The following NTM variants were observed in gnomAD, a reference collection of about 807,000 sequenced individuals.
NTM encodes the protein neurotrimin.
NTM carries 13 observed loss-of-function variants against 42.1 expected under a neutral mutation model. That is an observed-to-expected ratio of 0.31 (90% CI 0.20 to 0.49). The LOEUF (loss-of-function observed/expected upper bound fraction) is 0.49, where lower values mean the gene tolerates loss of function less well. NTM is among the 20% of genes least tolerant of loss of function. The pLI is 0.99. For synonymous variants in NTM, 187 were observed against 179.2 expected (o/e 1.04, Z -0.35); for missense variants, 373 against 452.8 (o/e 0.82, Z 1.60).
At chr11:131,596,950 A>C (rs2059864065) in intron 1 of NTM, among the ~76,000 whole-genome samples, 1 of 152,218 alleles carries the variant, frequency 6.6e-6, no homozygotes. Flanking sequence ...GTTCCAGGGC[A>C]GGAAGCATCC....
intron 3 of NTM, among the ~76,000 whole-genome samples, chr11:132,148,094 T>C (rs2070969242): frequency 6.6e-6 from 1 of 152,222 alleles, no homozygotes; most frequent in African/African-American, 2.4e-5. Context: ...GTTTTTATTA[T>C]ATTTTGCTTA....
At position 131,502,804 on chromosome 11, in the gene NTM, G is replaced by A. The variant is rs536222747; in HGVS notation, c.82+131916G>A. 6 of 152,404 alleles carry A rather than the reference G, an allele frequency of 3.9e-5. No homozygotes were observed. The East Asian group carries it at 1.2e-3, about 29-fold the overall frequency. The allele number at this position is 152,404 out of a possible 1,614,324, so 9.4% of individuals were successfully genotyped here. ...CCCAGGACCAGCCCGGCACATCAGA[G>A]CTGTGTAACACAGCATCTGATCGAA... On this transcript the variant is annotated intron_variant, in intron 1 of 8. Transcript: ENST00000683400.
At chr11:132,304,750 T>A (rs903588243) in intron 4 of NTM, among the ~76,000 whole-genome samples, 9 of 152,218 alleles carry the variant, frequency 5.9e-5, no homozygotes, top group Non-Finnish European at 1.2e-4. Flanking sequence ...CATATTACTA[T>A]GTACAAGTCA....
chr11:132,047,730 G>T (rs2078218579), intron 2 of NTM, among the ~76,000 whole-genome samples: 1 of 152,152 alleles, frequency 6.6e-6, no homozygotes, highest in South Asian at 2.1e-4. Flanking sequence ...TTCCTCTTAG[G>T]CCCCACTGTT....
At chr11:131,761,904 C>T (rs75750327) in intron 1 of NTM, among the ~76,000 whole-genome samples, 12,937 of 149,850 alleles carry the variant, frequency 0.086, 660 homozygotes, top group East Asian at 0.21. Flanking sequence ...TCTCTGTCTC[C>T]TCTCTCTGTC....
At chr11:131,827,024 G>C (rs1007298648) in intron 1 of NTM, among the ~76,000 whole-genome samples, 1 of 152,078 alleles carries the variant, frequency 6.6e-6, no homozygotes, top group African/African-American at 2.4e-5. Flanking sequence ...ATTTATTCAT[G>C]CATGTATCCA....
At chr11:131,623,432 G>A (rs931185890) in intron 1 of NTM, among the ~76,000 whole-genome samples, 3 of 152,340 alleles carry the variant, frequency 2.0e-5, no homozygotes, top group African/African-American at 7.2e-5. Context: ...CTTGGCTCAA[G>A]TCCGAGACAG....
intron 1 of NTM, among the ~76,000 whole-genome samples, chr11:131,423,095 A>G (rs1346535361): frequency 6.6e-6 from 1 of 152,226 alleles, no homozygotes; most frequent in African/African-American, 2.4e-5. Flanking sequence ...GCAGACTCTC[A>G]GGCCCCATCT....
intron 1 of NTM, among the ~76,000 whole-genome samples, chr11:131,791,599 G>C (rs995376038): frequency 6.6e-6 from 1 of 152,180 alleles, no homozygotes; most frequent in African/African-American, 2.4e-5. Context: ...GACAAAGACA[G>C]CTATGACCCT....
chr11:132,230,393 G>A (rs2087263408), intron 4 of NTM, among the ~76,000 whole-genome samples: 1 of 152,196 alleles, frequency 6.6e-6, no homozygotes, highest in South Asian at 2.1e-4. Flanking sequence ...GTGCAGAAAT[G>A]TTAGTTAACT....
Position 131,370,960 on chromosome 11 carries a change from C to G in NTM, c.82+72C>G, listed in dbSNP as rs535344078. 2.7e-5 allele frequency: 43 copies of G among 1,597,154 alleles called. No individual in the cohort carries two copies. In the East Asian group the frequency reaches 9.2e-4, roughly 34 times the overall value. ...CAGTGTGCTTTATAAGATTTGCAGACTCCCCGAGTCGGCTGTGCTGCGCTG... is the reference window on the plus strand; with the variant it reads ...CAGTGTGCTTTATAAGATTTGCAGAGTCCCCGAGTCGGCTGTGCTGCGCTG... On this transcript the variant is annotated intron_variant, in intron 1 of 8. Coordinates refer to ENST00000683400, the MANE Select transcript of NTM (RefSeq NM_001352005.2).
intron 2 of NTM, among the ~76,000 whole-genome samples, chr11:131,976,113 C>CTCCTTCCTTCCTTCCT (rs1329274388): frequency 1.5e-3 from 102 of 67,332 alleles, no homozygotes; most frequent in African/African-American, 5.0e-3. Context: ...CCCTCCCTCC[C>CTCCTTCCTTCCTTCCT]TCATTCCTTC....
At chr11:131,719,758 G>A (rs552320249) in intron 1 of NTM, among the ~76,000 whole-genome samples, 29 of 152,302 alleles carry the variant, frequency 1.9e-4, no homozygotes, top group Non-Finnish European at 3.5e-4. Context: ...TGGGGGTTGA[G>A]CAGCCAAATC....
In NTM at chr11:131,997,612, C is replaced by T. The variant is rs377256831; in HGVS notation, c.167+85964C>T. On this transcript the variant is annotated intron_variant, in intron 2 of 8. Coordinates refer to ENST00000683400, the MANE Select transcript of NTM (RefSeq NM_001352005.2). ...CAAATTTTCTGAACCATGTGGAACA[C>T]TTGTAATGATCTGAACTGTGTTTCT... 1.5e-3 allele frequency among the ~76,000 whole-genome samples: 225 copies of T among 152,288 alleles called. 8 individuals are homozygous for T. In the South Asian group the frequency reaches 0.045, roughly 30 times the overall value.
intron 1 of NTM, among the ~76,000 whole-genome samples, chr11:131,785,390 T>C (rs142153680): frequency 2.2e-4 from 33 of 152,358 alleles, no homozygotes; most frequent in African/African-American, 7.0e-4. Context: ...ATAGATCAGA[T>C]AGAGTCTCAA....
At chr11:131,462,563 C>A (rs770559552) in intron 1 of NTM, among the ~76,000 whole-genome samples, 14 of 152,220 alleles carry the variant, frequency 9.2e-5, no homozygotes, top group Non-Finnish European at 7.3e-5. Context: ...TGAAGATTGT[C>A]AGCTAAATGC....
intron 4 of NTM, among the ~76,000 whole-genome samples, chr11:132,292,740 C>T (rs149348389): frequency 1.4e-3 from 145 of 104,798 alleles, no homozygotes; most frequent in Middle Eastern, 0.012. Context: ...GGAGAGAGAA[C>T]AATGATGCGT....
At chr11:131,450,650 C>G (rs1347361144) in intron 1 of NTM, among the ~76,000 whole-genome samples, 1 of 152,212 alleles carries the variant, frequency 6.6e-6, no homozygotes, top group Admixed American at 6.5e-5. Context: ...TTCTCAAGGT[C>G]AAGGTCTCAG....
chr11:131,831,625 T>A (rs2042830842), intron 1 of NTM, among the ~76,000 whole-genome samples: 1 of 152,166 alleles, frequency 6.6e-6, no homozygotes. Context: ...AATTACTAAA[T>A]GTGTAAACTT....
Sources: allele counts gnomAD v4.1 joint callset (sites outside exome capture counted in the v4.1 genomes callset), GRCh38; gene constraint gnomAD v4.1.1; transcripts MANE v1.5; gene names NCBI Gene and HGNC (gene_info 2026-07-23, HGNC 2026-07-21).